Variants in DNAH11 observed in about 807,000 individuals in gnomAD.
The protein encoded by DNAH11 is dynein axonemal heavy chain 11, also known as axonemal beta dynein heavy chain 11.
In DNAH11, 442 loss-of-function variants were observed where a neutral mutation model predicts 526.0. That is an observed-to-expected ratio of 0.84 (90% confidence interval 0.78 to 0.91). DNAH11 has a LOEUF of 0.91. DNAH11 is among the 40% of genes least tolerant of loss of function. The pLI is 0.00. For synonymous variants in DNAH11, 2,461 were observed against 1,935.9 expected (o/e 1.27, Z -7.12); for missense variants, 6,989 against 5,448.7 (o/e 1.28, Z -8.90).
In DNAH11 at chr7:21,591,004, A is replaced by G. The variant is rs775806737; in HGVS notation, c.2256A>G (p.Lys752=). The change falls in exon 13 of 82, where the codon AAA becomes AAG. Residue 752 remains lysine (K), a synonymous_variant. Coordinates refer to ENST00000409508, the MANE Select transcript of DNAH11 (RefSeq NM_001277115.2). ...ATTCAGCTTTAGCCATCTTCAAGAA[A>G]AGGAACACTATTTTAAAGGTTTGTG... ...IPDSALAIFK[K]RNTILKYIGN... The G allele has an allele frequency of 1.3e-5, 19 of 1,514,274 alleles. No homozygotes were observed. Among genetic ancestry groups the G allele is most frequent in the Non-Finnish European group, 1.6e-5 (18 of 1,141,256 alleles). The allele number at this position is 1,514,274 out of a possible 1,614,324, so 93.8% of individuals were successfully genotyped here.
At chr7:21,688,900 A>C (rs1351925136) in intron 34 of DNAH11, among the ~76,000 whole-genome samples, 1 of 152,088 alleles carries the variant, frequency 6.6e-6, no homozygotes, top group Non-Finnish European at 1.5e-5. Flanking sequence ...GGGCAATCTT[A>C]TTTATCTGGC....
chr7:21,817,923 A>T (rs1008088766), intron 64 of DNAH11, among the ~76,000 whole-genome samples: 2 of 152,206 alleles, frequency 1.3e-5, no homozygotes, highest in Non-Finnish European at 2.9e-5. Context: ...TGATAGTTGG[A>T]TAACTTACAC....
Position 21,564,303 on chromosome 7 carries a change from C to T in DNAH11, c.1100C>T (p.Thr367Ile), listed in dbSNP as rs759528908. 3 of 1,613,572 alleles carry T rather than the reference C, an allele frequency of 1.9e-6. No individual in the cohort carries two copies. Among genetic ancestry groups the T allele is most frequent in the Non-Finnish European group, 2.5e-6 (3 of 1,179,696 alleles). ...TRILIAPLFH[T>I]ICLIWSHSKF... ...ATATTAATCGCTCCATTATTTCATA[C>T]CATCTGTCTGATCTGGAGTCATTCC... The change falls in exon 6 of 82, where the codon ACC becomes ATC. Residue 367 changes from threonine to isoleucine, a missense_variant. Transcript: ENST00000409508.
intron 76 of DNAH11, among the ~76,000 whole-genome samples, chr7:21,888,885 T>A (rs1320832354): frequency 6.6e-6 from 1 of 152,188 alleles, no homozygotes; most frequent in African/African-American, 2.4e-5. Context: ...TAAAAAAGGT[T>A]TTACTAAGAT....
At chr7:21,802,722 C>G (rs751000721) in intron 62 of DNAH11, among the ~76,000 whole-genome samples, 1 of 151,914 alleles carries the variant, frequency 6.6e-6, no homozygotes, top group Non-Finnish European at 1.5e-5. Flanking sequence ...GGCCACATAT[C>G]ACATGGTATG....
In DNAH11 at chr7:21,564,414, A is replaced by C. The variant is rs774751861; in HGVS notation, c.1194+17A>C. On this transcript the variant is annotated intron_variant, in intron 6 of 81. Transcript: ENST00000409508. ...ATTAACCAGGTATGAAGCATCAAAA[A>C]ACAGGAACAATAAGAATTGTTGCTG... The C allele has an allele frequency of 1.3e-6, 2 of 1,585,850 alleles. No homozygotes were observed. The highest frequency in any genetic ancestry group is 1.1e-5 in the South Asian group (1 of 89,276).
At chr7:21,665,629 C>G (rs929242433) in intron 30 of DNAH11, among the ~76,000 whole-genome samples, 1 of 152,090 alleles carries the variant, frequency 6.6e-6, no homozygotes, top group Non-Finnish European at 1.5e-5. Context: ...GTGTTCTTCT[C>G]TTAAAATCTT....
At chr7:21,900,250 T>A (rs2128052544) in intron 81 of DNAH11, 130 bp downstream of exon 81, 1 of 1,056,334 alleles carries the variant, frequency 9.5e-7, no homozygotes, top group African/African-American at 1.6e-5. Context: ...TTATCTCATT[T>A]CTTCCTCTTA....
At chr7:21,880,945 G>C in intron 75 of DNAH11, 52 bp downstream of exon 75, 1 of 1,471,064 alleles carries the variant, frequency 6.8e-7, no homozygotes. Flanking sequence ...AAAGCTGTCA[G>C]TCTTTGGGCA....
chr7:21,673,438 T>C (rs1050469343), intron 30 of DNAH11, among the ~76,000 whole-genome samples: 8 of 152,190 alleles, frequency 5.3e-5, no homozygotes, highest in Admixed American at 1.3e-4. Flanking sequence ...GTGCTTTTAT[T>C]ATCTGCCGAC....
intron 35 of DNAH11, 89 bp from the exon 36 acceptor site, chr7:21,697,986 A>ATGT: frequency 7.5e-7 from 1 of 1,337,684 alleles, no homozygotes; most frequent in South Asian, 1.4e-5. Context: ...AATGGTTAAA[A>ATGT]TGTTGGTACG....
At chr7:21,745,337 T>A (rs1786097630) in intron 51 of DNAH11, among the ~76,000 whole-genome samples, 1 of 152,204 alleles carries the variant, frequency 6.6e-6, no homozygotes, top group Non-Finnish European at 1.5e-5. Flanking sequence ...CAAAGTCACA[T>A]AGTTCATAAG....
intron 14 of DNAH11, among the ~76,000 whole-genome samples, chr7:21,592,065 AAC>A (rs1027735394): frequency 6.6e-6 from 1 of 151,678 alleles, no homozygotes; most frequent in Non-Finnish European, 1.5e-5. Flanking sequence ...ACAGAAAAAA[AAC>A]ACACACACAC....
intron 79 of DNAH11, among the ~76,000 whole-genome samples, chr7:21,897,393 C>T (rs1361299905): frequency 2.0e-5 from 3 of 151,952 alleles, no homozygotes; most frequent in African/African-American, 7.3e-5. Context: ...GTAGCCATCA[C>T]TCTCCTCTTG....
chr7:21,570,001 CAG>C, intron 6 of DNAH11, 66 bp from the exon 7 acceptor site: 1 of 1,253,946 alleles, frequency 8.0e-7, no homozygotes, highest in Non-Finnish European at 1.1e-6. Flanking sequence ...TTCTTTGAAA[CAG>C]AGACGGTTAC....
chr7:21,690,913 G>C lies in DNAH11; in HGVS notation c.6041+32G>C, dbSNP rs757302987. ...GTTATGCTTTGTGGCTTAGCATCTGGTGCACTCATGCCACCTAATGTTGTT... is the reference window on the plus strand; with the variant it reads ...GTTATGCTTTGTGGCTTAGCATCTGCTGCACTCATGCCACCTAATGTTGTT... On this transcript the variant is annotated intron_variant, in intron 35 of 81. Transcript: ENST00000409508. 5 of 1,483,594 alleles carry C rather than the reference G, an allele frequency of 3.4e-6. No individual in the cohort carries two copies. In the South Asian group the frequency reaches 5.9e-5, roughly 17 times the overall value. 91.9% of individuals were successfully genotyped at this position (1,483,594 alleles called of 1,614,324 possible).
At chr7:21,612,428 G>T (rs535582879) in intron 20 of DNAH11, among the ~76,000 whole-genome samples, 2 of 151,786 alleles carry the variant, frequency 1.3e-5, no homozygotes, top group Admixed American at 6.6e-5. Context: ...GGTGGCAGGC[G>T]CCAGTAGTCC....
At chr7:21,867,823 C>G in intron 71 of DNAH11, 36 bp from the exon 72 acceptor site, 2 of 1,525,972 alleles carry the variant, frequency 1.3e-6, no homozygotes, top group Non-Finnish European at 1.8e-6. Flanking sequence ...AAGGTCAAAA[C>G]CACTGATCAT....
intron 65 of DNAH11, among the ~76,000 whole-genome samples, chr7:21,842,004 T>C (rs1207761056): frequency 6.6e-6 from 1 of 152,236 alleles, no homozygotes; most frequent in Non-Finnish European, 1.5e-5. Flanking sequence ...ATCTTGTTTT[T>C]ATTAACCTTT....
Sources: gnomAD v4.1 joint callset for allele counts (sites outside exome capture counted in the v4.1 genomes callset) on GRCh38, gnomAD v4.1.1 for gene constraint, MANE v1.5 for transcripts, NCBI Gene and HGNC (gene_info 2026-07-23, HGNC 2026-07-21) for gene names.